RIMS2: variants seen among roughly 807,000 people sequenced by gnomAD.
The protein encoded by RIMS2 is regulating synaptic membrane exocytosis 2.
In RIMS2, 59 loss-of-function variants were observed where a neutral mutation model predicts 174.4. The ratio of observed to expected loss-of-function variants is 0.34; its 90% CI spans 0.27 to 0.42. RIMS2 has a LOEUF of 0.42. RIMS2 is among the 10% of genes least tolerant of loss of function. RIMS2 has a pLI of 1.00. For missense variants in RIMS2, 1,620 were observed against 1,666.3 expected, an observed-to-expected ratio of 0.97 and a Z score of 0.48; for synonymous variants, 606 against 572.5, an observed-to-expected ratio of 1.06 and a Z score of -0.84.
intron 19 of RIMS2, among the ~76,000 whole-genome samples, chr8:104,175,174 TA>T (rs2098873793): frequency 6.6e-6 from 1 of 152,216 alleles, no homozygotes; most frequent in Non-Finnish European, 1.5e-5. Context: ...TGTTATCTGC[TA>T]AAATATAATT....
At chr8:103,877,145 C>G (rs1214480927) in intron 3 of RIMS2, among the ~76,000 whole-genome samples, 1 of 151,354 alleles carries the variant, frequency 6.6e-6, no homozygotes, top group East Asian at 2.0e-4. Flanking sequence ...AGTGGTTGTA[C>G]TAGTTTACAT....
At chr8:103,699,447 C>A (rs543871930) in intron 2 of RIMS2, among the ~76,000 whole-genome samples, 5 of 152,268 alleles carry the variant, frequency 3.3e-5, no homozygotes, top group Middle Eastern at 3.4e-3. Flanking sequence ...CCAGGCTGAT[C>A]TTGAGCTTCT....
intron 3 of RIMS2, among the ~76,000 whole-genome samples, chr8:103,869,737 G>A (rs908955615): frequency 1.3e-5 from 2 of 152,220 alleles, no homozygotes; most frequent in East Asian, 1.9e-4. Flanking sequence ...TACAAGTTGG[G>A]CTTGTATTAG....
chr8:103,874,097 A>T (rs1044946288), intron 3 of RIMS2, among the ~76,000 whole-genome samples: 1 of 152,092 alleles, frequency 6.6e-6, no homozygotes, highest in Non-Finnish European at 1.5e-5. Flanking sequence ...ATTTTTAATT[A>T]TCACTATGTG....
At chr8:103,915,096 T>C (rs2154528211) in intron 6 of RIMS2, among the ~76,000 whole-genome samples, 1 of 152,214 alleles carries the variant, frequency 6.6e-6, no homozygotes. Context: ...TATATCCTAA[T>C]TATAGTAAAA....
At chr8:103,500,749 C>T (rs918862434) in exon 1 of RIMS2, 3 of 545,842 alleles carry the variant, frequency 5.5e-6, no homozygotes, top group Admixed American at 3.5e-5. Flanking sequence ...GGGAGGGGGG[C>T]TGTCGCCTTG....
At chr8:104,185,033 T>A (rs1432570664) in intron 19 of RIMS2, among the ~76,000 whole-genome samples, 1 of 151,488 alleles carries the variant, frequency 6.6e-6, no homozygotes, top group Non-Finnish European at 1.5e-5. Context: ...TGGCGGGTTA[T>A]AAAATATTTT....
At chr8:104,106,101 A>C (rs1441101976) in intron 19 of RIMS2, among the ~76,000 whole-genome samples, 1 of 151,054 alleles carries the variant, frequency 6.6e-6, no homozygotes, top group Non-Finnish European at 1.5e-5. Context: ...AAAGAAATGA[A>C]AAAATTTAAG....
At chr8:104,096,853 C>T (rs1402761157) in intron 19 of RIMS2, among the ~76,000 whole-genome samples, 11 of 147,658 alleles carry the variant, frequency 7.4e-5, no homozygotes, top group Admixed American at 2.0e-4. Context: ...GGTGACAGAG[C>T]GAGACTCCAT....
chr8:103,613,188 G>T (rs1441251525), intron 1 of RIMS2, among the ~76,000 whole-genome samples: 5 of 152,168 alleles, frequency 3.3e-5, no homozygotes, highest in Non-Finnish European at 5.9e-5. Flanking sequence ...CTAGGATTTG[G>T]AGTCAAAAAC....
intron 19 of RIMS2, among the ~76,000 whole-genome samples, chr8:104,048,550 CTG>C (rs1457448250): frequency 6.6e-6 from 1 of 152,098 alleles, no homozygotes. Flanking sequence ...AGACTTTTGA[CTG>C]TGTAGAAATA....
At chr8:103,836,405 GA>G (rs1240332642) in intron 3 of RIMS2, among the ~76,000 whole-genome samples, 2 of 151,620 alleles carry the variant, frequency 1.3e-5, no homozygotes, top group Admixed American at 6.6e-5. Context: ...AGGAAAGAAA[GA>G]AAAAAAATAG....
chr8:104,177,840 C>A (rs1471418015), intron 19 of RIMS2, among the ~76,000 whole-genome samples: 2 of 152,034 alleles, frequency 1.3e-5, no homozygotes, highest in African/African-American at 4.8e-5. Flanking sequence ...TTAACATTTG[C>A]TAATTATATA....
intron 3 of RIMS2, among the ~76,000 whole-genome samples, chr8:103,851,544 T>C (rs916380513): frequency 6.6e-6 from 1 of 151,862 alleles, no homozygotes; most frequent in Non-Finnish European, 1.5e-5. Context: ...CTTGTCTTTA[T>C]GTACTGAAAA....
chr8:103,687,651 C>G (rs975005192), intron 1 of RIMS2, among the ~76,000 whole-genome samples: 1 of 152,042 alleles, frequency 6.6e-6, no homozygotes, highest in Non-Finnish European at 1.5e-5. Context: ...TATCCTTTGA[C>G]CAACATCTCC....
chr8:104,037,660 A>G (rs902418403), intron 19 of RIMS2, among the ~76,000 whole-genome samples: 6 of 152,188 alleles, frequency 3.9e-5, no homozygotes, highest in African/African-American at 1.4e-4. Context: ...AAACATAACA[A>G]TAGTTAAAAC....
intron 1 of RIMS2, among the ~76,000 whole-genome samples, chr8:103,582,496 A>G (rs954225164): frequency 2.0e-5 from 3 of 152,108 alleles, no homozygotes; most frequent in Non-Finnish European, 4.4e-5. Context: ...GGGGTCCCCA[A>G]TTCTAGGACT....
chr8:103,609,955 A>T (rs1163736391), intron 1 of RIMS2, among the ~76,000 whole-genome samples: 1 of 152,176 alleles, frequency 6.6e-6, no homozygotes, highest in African/African-American at 2.4e-5. Context: ...GATTATTCCC[A>T]TCCATGAGTA....
intron 19 of RIMS2, among the ~76,000 whole-genome samples, chr8:104,149,967 G>A: frequency 6.6e-6 from 1 of 151,988 alleles, no homozygotes; most frequent in East Asian, 1.9e-4. Context: ...ATACTATTTT[G>A]CATTTTAATA....
Sources: gnomAD v4.1 joint callset for allele counts (sites outside exome capture counted in the v4.1 genomes callset) on GRCh38, gnomAD v4.1.1 for gene constraint, MANE v1.5 for transcripts, NCBI Gene and HGNC (gene_info 2026-07-23, HGNC 2026-07-21) for gene names.